Variants in PDE1C observed in about 807,000 individuals in gnomAD.
PDE1C encodes the protein phosphodiesterase 1C.
In PDE1C, 62 loss-of-function variants were observed where a neutral mutation model predicts 93.1. The ratio of observed to expected loss-of-function variants is 0.67; its 90% CI spans 0.54 to 0.82. The LOEUF (loss-of-function observed/expected upper bound fraction) is 0.82, where lower values mean the gene tolerates loss of function less well. Among genes scored for constraint, PDE1C ranks in the 40% least tolerant of loss-of-function variants. PDE1C has a pLI of 0.00. For missense variants in PDE1C, 742 were observed against 884.6 expected, an observed-to-expected ratio of 0.84 and a Z score of 2.04; for synonymous variants, 325 against 310.1, an observed-to-expected ratio of 1.05 and a Z score of -0.50.
chr7:32,208,108 A>T (rs1301368304), intron 2 of PDE1C, among the ~76,000 whole-genome samples: 1 of 152,228 alleles, frequency 6.6e-6, no homozygotes, highest in Non-Finnish European at 1.5e-5. Context: ...GTGTTTTATT[A>T]CACAATTTCT....
chr7:31,966,501 A>T lies in PDE1C; in HGVS notation c.128+85053T>A, dbSNP rs968912384. On this transcript the variant is annotated intron_variant, in intron 2 of 17. Coordinates refer to ENST00000396191, the MANE Select transcript of PDE1C (RefSeq NM_001191057.4). ...ACAAAGAGACTTAGACTCCCACACAATAATAATGGGAGACTTTAACACCCC... is the reference window on the plus strand; with the variant it reads ...ACAAAGAGACTTAGACTCCCACACATTAATAATGGGAGACTTTAACACCCC... Among the ~76,000 whole-genome samples, 12 of 151,030 alleles carry T rather than the reference A, an allele frequency of 7.9e-5. 3 individuals carry two copies. Among genetic ancestry groups the T allele is most frequent in the African/African-American group, 2.5e-5 (1 of 40,366 alleles).
chr7:32,060,204 C>T (rs1438798861), intron 1 of PDE1C, among the ~76,000 whole-genome samples: 1 of 152,132 alleles, frequency 6.6e-6, no homozygotes, highest in African/African-American at 2.4e-5. Flanking sequence ...GTAGATTTAG[C>T]CAGAACAAAA....
intron 1 of PDE1C, among the ~76,000 whole-genome samples, chr7:32,233,344 A>C (rs1476861304): frequency 6.6e-6 from 1 of 152,192 alleles, no homozygotes; most frequent in Non-Finnish European, 1.5e-5. Flanking sequence ...CATTACAATA[A>C]CATGCTAAAT....
chr7:32,196,176 A>C (rs1804599791), intron 2 of PDE1C, among the ~76,000 whole-genome samples: 1 of 152,198 alleles, frequency 6.6e-6, no homozygotes, highest in South Asian at 2.1e-4. Context: ...CCATGCCAGC[A>C]AGGGTGTTGA....
chr7:31,773,380 A>T (rs985676885), intron 17 of PDE1C, among the ~76,000 whole-genome samples: 4 of 152,054 alleles, frequency 2.6e-5, no homozygotes, highest in African/African-American at 9.7e-5. Flanking sequence ...CAGCAGAGCA[A>T]GTGGGTCCCA....
the PDE1C span, chr7:31,652,874 G>T: frequency 6.3e-7 from 1 of 1,577,336 alleles, no homozygotes; most frequent in South Asian, 1.2e-5. Flanking sequence ...TAAAGGCCCA[G>T]AACAGATGTA....
chr7:32,179,362 C>T (rs889491282), intron 2 of PDE1C, among the ~76,000 whole-genome samples: 1 of 150,562 alleles, frequency 6.6e-6, no homozygotes, highest in African/African-American at 2.4e-5. Flanking sequence ...CAGGTTCAAG[C>T]GATTTCTCCT....
chr7:32,354,882 C>T (rs907266634), intron 1 of PDE1C, among the ~76,000 whole-genome samples: 1 of 152,200 alleles, frequency 6.6e-6, no homozygotes, highest in African/African-American at 2.4e-5. Flanking sequence ...GCCTAAGGGC[C>T]CTGATGACTC....
In PDE1C at chr7:32,185,563, T is replaced by C. The variant is rs560423487; in HGVS notation, c.137-15607A>G. On this transcript the variant is annotated intron_variant, in intron 2 of 18. Transcript: ENST00000396193. ...TTTTTGCTGCATTCATCTTACCTAT[T>C]TCTTTTGGAATATTTTCCTTTACAA... Among the ~76,000 whole-genome samples, 3 of 152,342 alleles carry C rather than the reference T, an allele frequency of 2.0e-5. No individual in the cohort carries two copies. The South Asian group carries it at 6.2e-4, about 32-fold the overall frequency.
chr7:31,628,002 G>A, the PDE1C span, among the ~76,000 whole-genome samples: 1 of 152,158 alleles, frequency 6.6e-6, no homozygotes, highest in African/African-American at 2.4e-5. Flanking sequence ...CAAGAAATGT[G>A]GAAGCACCTC....
At chr7:31,783,593 T>C (rs1264346007) in intron 16 of PDE1C, 3 of 152,052 alleles carry the variant, frequency 2.0e-5, no homozygotes, top group Non-Finnish European at 2.9e-5. Flanking sequence ...CATTACTAGA[T>C]GCTGGGGGAA....
chr7:32,150,392 C>T lies in PDE1C; in HGVS notation c.308+19393G>A, dbSNP rs566013232. Among the ~76,000 whole-genome samples the T allele has an allele frequency of 2.2e-4, 33 of 152,308 alleles. No individual in the cohort carries two copies. In the South Asian group the frequency reaches 5.2e-3, roughly 24 times the overall value. On this transcript the variant is annotated intron_variant, in intron 3 of 18. Transcript: ENST00000396193. Reference sequence around the variant, plus strand: ...GGCAGAATTTCCAAACCCTCCTGGGCTCCCCTCTGGCCTATGAAGGAGCAT... The same window carrying T: ...GGCAGAATTTCCAAACCCTCCTGGGTTCCCCTCTGGCCTATGAAGGAGCAT...
chr7:31,934,040 C>T (rs573693820), intron 2 of PDE1C, among the ~76,000 whole-genome samples: 58 of 152,262 alleles, frequency 3.8e-4, no homozygotes, highest in African/African-American at 1.3e-3. Context: ...CCACTTCATG[C>T]TTTTCCACAA....
intron 1 of PDE1C, among the ~76,000 whole-genome samples, chr7:32,247,889 T>C (rs754404573): frequency 3.3e-5 from 5 of 152,142 alleles, no homozygotes; most frequent in Non-Finnish European, 7.4e-5. Flanking sequence ...TACAGACTAG[T>C]ACATAGTACT....
At position 31,890,159 on chromosome 7, in the gene PDE1C, G is replaced by T. The variant is rs74344443; in HGVS notation, c.129-9299C>A. Among the ~76,000 whole-genome samples, 43 of 152,278 alleles carry T rather than the reference G, an allele frequency of 2.8e-4. No homozygotes were observed. The East Asian group carries it at 8.3e-3, about 29-fold the overall frequency. ...AAAAGAATGAAAAATACAACCCAGAGCATCATTCAGAATCCACCCCAGGCC... is the reference window on the plus strand; with the variant it reads ...AAAAGAATGAAAAATACAACCCAGATCATCATTCAGAATCCACCCCAGGCC... On this transcript the variant is annotated intron_variant, in intron 2 of 17. Transcript: ENST00000396191.
In PDE1C at chr7:31,793,168, C is replaced by T. The variant is rs185331863; in HGVS notation, c.1891+15863G>A. On this transcript the variant is annotated intron_variant, in intron 16 of 17. Coordinates refer to ENST00000396191, the MANE Select transcript of PDE1C (RefSeq NM_001191057.4). ...CTGCTCCCAAAGGTAAGTGCAGATG[C>T]TGTATATAGGTCTTAAAACCATGTG... is the stretch of plus-strand genomic sequence containing the variant. Among the ~76,000 whole-genome samples the T allele has an allele frequency of 1.2e-4, 18 of 152,008 alleles. No homozygotes were observed. In the East Asian group the frequency reaches 3.5e-3, roughly 30 times the overall value.
chr7:32,112,840 G>GTATATATATATATATATA (rs1563322964), intron 3 of PDE1C, among the ~76,000 whole-genome samples: 3 of 53,664 alleles, frequency 5.6e-5, no homozygotes, highest in African/African-American at 2.8e-4. Flanking sequence ...GTGTGTGTGT[G>GTATATATATATATATATA]TGTGTGTATA....
chr7:32,404,973 T>TCC (rs1785022218), intron 1 of PDE1C, among the ~76,000 whole-genome samples: 1 of 152,220 alleles, frequency 6.6e-6, no homozygotes, highest in East Asian at 1.9e-4. Context: ...CTTACAGGTT[T>TCC]ATAATTTTAG....
chr7:32,104,376 A>G (rs917873929), intron 3 of PDE1C, among the ~76,000 whole-genome samples: 3 of 152,246 alleles, frequency 2.0e-5, no homozygotes, highest in African/African-American at 7.2e-5. Context: ...CCTTGTTTTG[A>G]GCAAAATATT....
Sources: allele counts gnomAD v4.1 joint callset (sites outside exome capture counted in the v4.1 genomes callset), GRCh38; gene constraint gnomAD v4.1.1; transcripts MANE v1.5; gene names NCBI Gene and HGNC (gene_info 2026-07-23, HGNC 2026-07-21).